The following DOCK4 variants were observed in gnomAD, a reference collection of about 807,000 sequenced individuals.
The protein encoded by DOCK4 is dedicator of cytokinesis 4.
In DOCK4, 97 loss-of-function variants were observed where a neutral mutation model predicts 268.1. The ratio of observed to expected loss-of-function variants is 0.36; its 90% CI spans 0.31 to 0.43. DOCK4 has a LOEUF of 0.43. Among genes scored for constraint, DOCK4 ranks in the 20% least tolerant of loss-of-function variants. The pLI is 1.00. For missense variants in DOCK4, 2,145 were observed against 2,455.7 expected (o/e 0.87, Z 2.67); for synonymous variants, 954 against 887.2 (o/e 1.08, Z -1.34).
intron 1 of DOCK4, among the ~76,000 whole-genome samples, chr7:112,112,643 CA>C (rs943420036): frequency 2.1e-4 from 29 of 135,418 alleles, no homozygotes; most frequent in South Asian, 4.7e-4. Flanking sequence ...GACTCCAACT[CA>C]AAAAAAAAAA....
At chr7:112,134,712 T>A (rs976981326) in intron 1 of DOCK4, among the ~76,000 whole-genome samples, 1 of 152,092 alleles carries the variant, frequency 6.6e-6, no homozygotes, top group African/African-American at 2.4e-5. Context: ...CGAGACTCCA[T>A]CTCAAATAAA....
intron 1 of DOCK4, among the ~76,000 whole-genome samples, chr7:112,004,832 A>AT (rs111337579): frequency 0.016 from 2,502 of 152,286 alleles, 72 homozygotes; most frequent in African/African-American, 0.056. Context: ...TTAATTATAG[A>AT]TTAATGGTTT....
chr7:111,884,183 C>T (rs1170522080), intron 16 of DOCK4, among the ~76,000 whole-genome samples: 3 of 152,146 alleles, frequency 2.0e-5, no homozygotes, highest in Admixed American at 6.5e-5. Context: ...GTTTTCAGCA[C>T]GCACCCTTAA....
intron 1 of DOCK4, among the ~76,000 whole-genome samples, chr7:112,086,827 G>A (rs2135740635): frequency 6.6e-6 from 1 of 152,076 alleles, no homozygotes; most frequent in South Asian, 2.1e-4. Flanking sequence ...ACCAAGGATT[G>A]GAAGGGAATT....
chr7:111,990,685 A>G (rs1027706407), intron 5 of DOCK4, among the ~76,000 whole-genome samples: 1 of 152,120 alleles, frequency 6.6e-6, no homozygotes, highest in African/African-American at 2.4e-5. Flanking sequence ...AAGGCACTCT[A>G]TTGAGCCCAT....
chr7:111,782,549 A>G (rs2133757436), intron 35 of DOCK4, among the ~76,000 whole-genome samples: 1 of 152,306 alleles, frequency 6.6e-6, no homozygotes, highest in Non-Finnish European at 1.5e-5. Flanking sequence ...TTGCTAGGAC[A>G]GCAACAAGAC....
At chr7:111,996,250 G>T (rs952913253) in intron 4 of DOCK4, among the ~76,000 whole-genome samples, 2 of 152,202 alleles carry the variant, frequency 1.3e-5, no homozygotes, top group Non-Finnish European at 2.9e-5. Flanking sequence ...TTCAGTCTGT[G>T]AGAAGTTGAT....
intron 1 of DOCK4, among the ~76,000 whole-genome samples, chr7:112,051,724 G>T (rs1233061545): frequency 6.8e-6 from 1 of 147,218 alleles, no homozygotes; most frequent in East Asian, 1.9e-4. Context: ...CTGCTCAAAT[G>T]ATATTATATT....
chr7:111,856,271 G>C (rs1199593829), intron 23 of DOCK4, among the ~76,000 whole-genome samples: 1 of 152,160 alleles, frequency 6.6e-6, no homozygotes, highest in East Asian at 1.9e-4. Context: ...AAGTTGAAAG[G>C]GAGTCTTGTG....
At chr7:111,929,926 T>C (rs957206409) in intron 12 of DOCK4, among the ~76,000 whole-genome samples, 2 of 152,238 alleles carry the variant, frequency 1.3e-5, no homozygotes, top group Non-Finnish European at 2.9e-5. Flanking sequence ...TACTGAACCA[T>C]AGCCAATGAT....
At chr7:111,769,500 G>T (rs1427070259) in intron 37 of DOCK4, 29 bp downstream of exon 37, 3 of 1,612,408 alleles carry the variant, frequency 1.9e-6, no homozygotes, top group Non-Finnish European at 1.7e-6. Flanking sequence ...CACCCCAGGA[G>T]GGACCCCGGG....
chr7:112,068,472 G>C (rs1178757395), intron 1 of DOCK4, among the ~76,000 whole-genome samples: 2 of 152,118 alleles, frequency 1.3e-5, no homozygotes, highest in African/African-American at 2.4e-5. Context: ...CTAAACCTCA[G>C]TTTCCTCATC....
intron 1 of DOCK4, among the ~76,000 whole-genome samples, chr7:112,069,339 A>G (rs889983141): frequency 1.2e-4 from 18 of 152,188 alleles, no homozygotes; most frequent in African/African-American, 3.9e-4. Context: ...TCAACCAACT[A>G]TTAATGAAAG....
chr7:112,055,300 T>C (rs1383458806), intron 1 of DOCK4, among the ~76,000 whole-genome samples: 6 of 152,214 alleles, frequency 3.9e-5, no homozygotes, highest in Non-Finnish European at 8.8e-5. Flanking sequence ...TTTATCCACT[T>C]ATTCCACAGG....
Position 111,755,498 on chromosome 7 carries a change from C to A in DOCK4, c.4416+17G>T. The A allele has an allele frequency of 6.2e-7, 1 of 1,613,192 alleles. No homozygotes were observed. Among genetic ancestry groups the A allele is most frequent in the Non-Finnish European group, 8.5e-7 (1 of 1,179,222 alleles). On this transcript the variant is annotated intron_variant, in intron 42 of 52. Coordinates refer to ENST00000428084, the MANE Select transcript of DOCK4 (RefSeq NM_001363540.2). ...ACTGTGATGAGAAAGTGCTTGAGAA[C>A]AAGCTCTGATCCTTACCACTTCACG...
intron 1 of DOCK4, among the ~76,000 whole-genome samples, chr7:112,107,540 G>A (rs1811244265): frequency 6.6e-6 from 1 of 152,186 alleles, no homozygotes; most frequent in African/African-American, 2.4e-5. Flanking sequence ...GAAAATAAAT[G>A]TCTGTTGTTT....
Position 111,977,293 on chromosome 7 carries a change from A to AC in DOCK4, c.550-11dup, listed in dbSNP as rs781657789. On this transcript the variant is annotated splice_polypyrimidine_tract_variant and intron_variant, in intron 7 of 52. Coordinates refer to ENST00000428084, the MANE Select transcript of DOCK4 (RefSeq NM_001363540.2). ...GATGTCGATGTTCCATCTGAATGACACCCCCCAACAAAAACATGATCAGCA... is the reference window on the plus strand; with the variant it reads ...GATGTCGATGTTCCATCTGAATGACACCCCCCCAACAAAAACATGATCAGCA... 1.9e-6 allele frequency: 3 copies of AC among 1,581,632 alleles called. No individual in the cohort carries two copies. The highest frequency in any genetic ancestry group is 1.3e-5 in the African/African-American group (1 of 74,176).
chr7:111,823,456 C>T (rs1020451613), intron 26 of DOCK4, among the ~76,000 whole-genome samples: 65 of 152,100 alleles, frequency 4.3e-4, no homozygotes, highest in Non-Finnish European at 2.9e-5. Context: ...GATCCGCCCA[C>T]CTCGGCCTCC....
At chr7:112,119,854 T>A (rs1386890271) in intron 1 of DOCK4, among the ~76,000 whole-genome samples, 3 of 151,792 alleles carry the variant, frequency 2.0e-5, no homozygotes, top group African/African-American at 4.8e-5. Flanking sequence ...GATGGCTTTT[T>A]TTTTTTTTTC....
Sources: allele counts gnomAD v4.1 joint callset (sites outside exome capture counted in the v4.1 genomes callset), GRCh38; gene constraint gnomAD v4.1.1; transcripts MANE v1.5; gene names NCBI Gene and HGNC (gene_info 2026-07-23, HGNC 2026-07-21).